The following HSDL1 variants were observed in gnomAD, a reference collection of about 807,000 sequenced individuals.
HSDL1 encodes the protein hydroxysteroid dehydrogenase like 1.
A neutral mutation model predicts 31.5 loss-of-function variants in HSDL1; 29 were observed. That is an observed-to-expected ratio of 0.92 (90% CI 0.69 to 1.26). The LOEUF (loss-of-function observed/expected upper bound fraction) is 1.26. Ranked by LOEUF, HSDL1 falls within the 50% of genes most tolerant of loss-of-function variation. The pLI is 0.00. For missense variants in HSDL1, 503 were observed against 416.6 expected, an observed-to-expected ratio of 1.21 and a Z score of -1.81; for synonymous variants, 222 against 155.2, an observed-to-expected ratio of 1.43 and a Z score of -3.20.
intron 1 of HSDL1, among the ~76,000 whole-genome samples, chr16:84,143,612 A>T (rs2086793190): frequency 1.3e-5 from 2 of 152,126 alleles, no homozygotes; most frequent in African/African-American, 4.8e-5. Context: ...TGTCATGCGT[A>T]AGTCATTTCG....
chr16:84,136,968 G>C (rs2086718737), intron 1 of HSDL1, among the ~76,000 whole-genome samples: 1 of 152,092 alleles, frequency 6.6e-6, no homozygotes, highest in Non-Finnish European at 1.5e-5. Flanking sequence ...AATGGATAGT[G>C]AACAACACAG....
At chr16:84,144,461 A>AC (rs1339388158) in intron 1 of HSDL1, 1 of 152,204 alleles carries the variant, frequency 6.6e-6, no homozygotes, top group African/African-American at 2.4e-5. Context: ...CAGAACGGGG[A>AC]CCTGCCTGGT....
intron 2 of HSDL1, among the ~76,000 whole-genome samples, chr16:84,131,563 G>A (rs1270396389): frequency 6.6e-6 from 1 of 152,086 alleles, no homozygotes; most frequent in Non-Finnish European, 1.5e-5. Flanking sequence ...CGCCCAGGCT[G>A]GAGTGCAGTG....
chr16:84,123,066 C>T lies in HSDL1; in HGVS notation c.*1564G>A, dbSNP rs555651454. 2 of 152,284 alleles carry T rather than the reference C, an allele frequency of 1.3e-5. No homozygotes were observed. The highest frequency in any genetic ancestry group is 4.1e-4 in the South Asian group (2 of 4,822). 9.4% of individuals were successfully genotyped at this position (152,284 alleles called of 1,614,324 possible). A position where few individuals can be genotyped will look rare whatever the true frequency, so the allele number is the denominator to read the frequency against. ...AGTCAAGAGGATTCCAAGCAAACTC[C>T]ATCAAAACCTTGGGGCTCACAGCAT... On this transcript the variant is annotated 3_prime_UTR_variant, in exon 6 of 6. Coordinates refer to ENST00000219439, the MANE Select transcript of HSDL1 (RefSeq NM_031463.5).
chr16:84,135,671 T>C (rs1219859000), intron 1 of HSDL1, 66 bp from the exon 2 acceptor site: 1 of 152,278 alleles, frequency 6.6e-6, no homozygotes, highest in Non-Finnish European at 1.5e-5. Context: ...GGGAAAACTT[T>C]ACATTAAAGT....
chr16:84,130,985 T>C (rs1376776901), intron 3 of HSDL1, 117 bp downstream of exon 3: 1 of 818,788 alleles, frequency 1.2e-6, no homozygotes, highest in African/African-American at 1.7e-5. Context: ...GCAGGAGCCA[T>C]AAGTTTTATT....
intron 2 of HSDL1, among the ~76,000 whole-genome samples, chr16:84,134,078 T>G (rs1008521210): frequency 6.6e-6 from 1 of 151,950 alleles, no homozygotes; most frequent in Non-Finnish European, 1.5e-5. Flanking sequence ...CCAAATCCTT[T>G]GATTGACAAT....
chr16:84,128,554 T>C (rs927528519), intron 5 of HSDL1, among the ~76,000 whole-genome samples: 1 of 152,202 alleles, frequency 6.6e-6, no homozygotes, highest in South Asian at 2.1e-4. Flanking sequence ...AATGGTTGCA[T>C]GAAATATAGC....
In HSDL1 at chr16:84,135,987, G is replaced by A. The variant is rs188528553; in HGVS notation, c.-68-382C>T. Among the ~76,000 whole-genome samples, 4 of 152,384 alleles carry A rather than the reference G, an allele frequency of 2.6e-5. No individual in the cohort carries two copies. The East Asian group carries it at 5.8e-4, about 22-fold the overall frequency. ...ATCGGGGAAGAGAGCAGCCACAGCTGTCCTCGGTGCCTTTTTCTGCCTGGT... is the reference window on the plus strand; with the variant it reads ...ATCGGGGAAGAGAGCAGCCACAGCTATCCTCGGTGCCTTTTTCTGCCTGGT... On this transcript the variant is annotated intron_variant, in intron 1 of 5. Transcript: ENST00000219439.
At chr16:84,131,770 C>G (rs906986674) in intron 2 of HSDL1, among the ~76,000 whole-genome samples, 18 of 151,996 alleles carry the variant, frequency 1.2e-4, no homozygotes, top group Admixed American at 3.3e-4. Flanking sequence ...GCTCCGCCCC[C>G]TGGGGTTCAC....
At chr16:84,130,591 G>C (rs2086654167) in intron 3 of HSDL1, among the ~76,000 whole-genome samples, 160 bp from the exon 4 acceptor site, 1 of 152,320 alleles carries the variant, frequency 6.6e-6, no homozygotes, top group South Asian at 2.1e-4. Context: ...GCTGAATGAG[G>C]AATGTGAAGG....
rs1321886099 is a variant in HSDL1 at position 84,123,688 on chromosome 16, T to C, written c.*942A>G. 4 of 152,594 alleles carry C rather than the reference T, an allele frequency of 2.6e-5. No homozygotes were observed. Among genetic ancestry groups the C allele is most frequent in the Admixed American group, 6.5e-5 (1 of 15,274 alleles). 9.5% of individuals were successfully genotyped at this position (152,594 alleles called of 1,614,324 possible). ...GCTACTGGAATGGAATAATATTACATAGAAAAACGTAGGAAAACCAGATAT... is the reference window on the plus strand; with the variant it reads ...GCTACTGGAATGGAATAATATTACACAGAAAAACGTAGGAAAACCAGATAT... On this transcript the variant is annotated 3_prime_UTR_variant, in exon 6 of 6. Coordinates refer to ENST00000219439, the MANE Select transcript of HSDL1 (RefSeq NM_031463.5).
chr16:84,126,741 C>A (rs1049493519), intron 5 of HSDL1, among the ~76,000 whole-genome samples: 1 of 152,040 alleles, frequency 6.6e-6, no homozygotes. Flanking sequence ...CACACCCACA[C>A]ACACACACAC....
chr16:84,139,746 CTA>C (rs1490390795), intron 1 of HSDL1, among the ~76,000 whole-genome samples: 1 of 152,150 alleles, frequency 6.6e-6, no homozygotes, highest in Non-Finnish European at 1.5e-5. Context: ...GCCAAAACCA[CTA>C]TGTGTATTCA....
chr16:84,125,369 A>ACAACACCCAC, intron 5 of HSDL1, among the ~76,000 whole-genome samples: 1 of 146,276 alleles, frequency 6.8e-6, no homozygotes, highest in Non-Finnish European at 1.5e-5. Flanking sequence ...CCAATCAATC[A>ACAACACCCAC]CAATACCCAC....
At chr16:84,133,532 C>T (rs1376819816) in intron 2 of HSDL1, among the ~76,000 whole-genome samples, 1 of 152,174 alleles carries the variant, frequency 6.6e-6, no homozygotes, top group African/African-American at 2.4e-5. Flanking sequence ...GAGTTCAAGA[C>T]CAGTCTGGCC....
intron 2 of HSDL1, among the ~76,000 whole-genome samples, chr16:84,134,256 G>A (rs1012309804): frequency 4.6e-5 from 7 of 152,124 alleles, no homozygotes; most frequent in African/African-American, 1.4e-4. Context: ...ACTGGCTGTA[G>A]CCCTTGAACA....
At chr16:84,134,429 C>G (rs1359069840) in intron 2 of HSDL1, among the ~76,000 whole-genome samples, 1 of 151,984 alleles carries the variant, frequency 6.6e-6, no homozygotes. Flanking sequence ...TCAAGACCAG[C>G]CTGGCCAACA....
At chr16:84,132,281 T>C (rs1323032686) in intron 2 of HSDL1, among the ~76,000 whole-genome samples, 1 of 152,058 alleles carries the variant, frequency 6.6e-6, no homozygotes, top group South Asian at 2.1e-4. Context: ...ACAAAGGAGA[T>C]GAAACAGAGG....
Sources: gnomAD v4.1 joint callset for allele counts (sites outside exome capture counted in the v4.1 genomes callset) on GRCh38, gnomAD v4.1.1 for gene constraint, MANE v1.5 for transcripts, NCBI Gene and HGNC (gene_info 2026-07-23, HGNC 2026-07-21) for gene names.